Variants in THSD4 observed in about 807,000 individuals in gnomAD.
The protein encoded by THSD4 is thrombospondin type 1 domain containing 4.
THSD4 carries 69 observed loss-of-function variants against 119.0 expected under a neutral mutation model. The observed-to-expected ratio is 0.58, with a 90% CI of 0.48 to 0.71. The LOEUF is 0.71. Among genes scored for constraint, THSD4 ranks in the 30% least tolerant of loss-of-function variants. The probability of loss-of-function intolerance (pLI) is 0.00; values close to 1 mark genes in which losing one functional copy is unlikely to be tolerated. For synonymous variants in THSD4, 524 were observed against 540.4 expected (o/e 0.97, Z 0.42); for missense variants, 1,393 against 1,391.1 (o/e 1.00, Z -0.02).
intron 7 of THSD4, chr15:71,547,412 G>A: frequency 1.3e-6 from 2 of 1,550,392 alleles, no homozygotes; most frequent in East Asian, 2.4e-5. Context: ...GGGTAATAAT[G>A]TTTGTCAGCT....
chr15:71,377,028 C>T (rs1050627157), intron 6 of THSD4, among the ~76,000 whole-genome samples: 4 of 152,018 alleles, frequency 2.6e-5, no homozygotes, highest in African/African-American at 7.3e-5. Flanking sequence ...GAGGTGGCCA[C>T]AGTTATCTGG....
intron 7 of THSD4, among the ~76,000 whole-genome samples, chr15:71,479,581 G>A (rs1323210028): frequency 1.3e-5 from 2 of 152,116 alleles, no homozygotes; most frequent in South Asian, 2.1e-4. Context: ...TTCATTAGTC[G>A]ATGGAATAAA....
chr15:71,318,998 C>T (rs1432343753), intron 6 of THSD4, among the ~76,000 whole-genome samples: 1 of 152,128 alleles, frequency 6.6e-6, no homozygotes, highest in African/African-American at 2.4e-5. Flanking sequence ...GATGATCATG[C>T]CTTAGGTCAT....
intron 2 of THSD4, among the ~76,000 whole-genome samples, chr15:71,151,794 C>T (rs978457570): frequency 6.6e-6 from 1 of 152,190 alleles, no homozygotes; most frequent in Non-Finnish European, 1.5e-5. Context: ...TGAACAGGCT[C>T]ATTTTCAAGT....
chr15:71,435,376 T>A (rs891984311), intron 7 of THSD4, among the ~76,000 whole-genome samples: 5 of 152,342 alleles, frequency 3.3e-5, no homozygotes, highest in African/African-American at 1.2e-4. Flanking sequence ...TTTCTGCCTT[T>A]TAAAAATCTT....
intron 6 of THSD4, among the ~76,000 whole-genome samples, chr15:71,329,769 TAACTC>T (rs1390598358): frequency 6.6e-6 from 1 of 152,132 alleles, no homozygotes; most frequent in Non-Finnish European, 1.5e-5. Context: ...ACATTGAAAA[TAACTC>T]AGGCAGTGTT....
intron 7 of THSD4, among the ~76,000 whole-genome samples, chr15:71,557,630 C>A (rs2049040991): frequency 6.6e-6 from 1 of 152,090 alleles, no homozygotes. Flanking sequence ...AAATTTTAAA[C>A]CACCAGTTAT....
intron 6 of THSD4, among the ~76,000 whole-genome samples, chr15:71,291,278 G>A (rs1372345894): frequency 1.3e-5 from 2 of 152,050 alleles, no homozygotes; most frequent in African/African-American, 4.8e-5. Flanking sequence ...ATCTGTATTA[G>A]TCAGGGTTCT....
intron 8 of THSD4, among the ~76,000 whole-genome samples, chr15:71,715,593 G>A (rs1187168004): frequency 1.4e-5 from 2 of 147,484 alleles, no homozygotes; most frequent in Non-Finnish European, 3.1e-5. Context: ...GCCACTGTGT[G>A]TGTATGTGTT....
intron 3 of THSD4, among the ~76,000 whole-genome samples, chr15:71,210,029 T>C (rs1411447755): frequency 1.3e-5 from 2 of 152,230 alleles, no homozygotes; most frequent in Non-Finnish European, 1.5e-5. Flanking sequence ...GGTATGTCTT[T>C]ATTATCAGCA....
intron 6 of THSD4, among the ~76,000 whole-genome samples, chr15:71,296,656 C>T (rs1402430506): frequency 6.6e-6 from 1 of 152,150 alleles, no homozygotes; most frequent in Non-Finnish European, 1.5e-5. Context: ...GTGTCCCTGG[C>T]TTCATGGACA....
intron 8 of THSD4, among the ~76,000 whole-genome samples, chr15:71,671,736 A>G (rs1050681662): frequency 2.0e-5 from 3 of 152,236 alleles, no homozygotes; most frequent in Non-Finnish European, 4.4e-5. Flanking sequence ...TTTATTAAAT[A>G]GGGAATCCTT....
At chr15:71,773,204 AAAAAAAAAAAAG>A (rs1172238333) in intron 17 of THSD4, among the ~76,000 whole-genome samples, 1 of 133,002 alleles carries the variant, frequency 7.5e-6, no homozygotes, top group Non-Finnish European at 1.6e-5. Context: ...ATGTCTCAAA[AAAAAAAAAAAAG>A]AAAAAGAAAA....
chr15:71,215,466 C>T (rs1001212220), intron 4 of THSD4, 67 bp downstream of exon 4: 2 of 1,406,094 alleles, frequency 1.4e-6, no homozygotes, highest in Non-Finnish European at 1.9e-6. Flanking sequence ...GTCCCTGCCC[C>T]TGCCTCGCAC....
At chr15:71,288,390 G>A (rs2044746779) in intron 6 of THSD4, among the ~76,000 whole-genome samples, 1 of 152,218 alleles carries the variant, frequency 6.6e-6, no homozygotes, top group Admixed American at 6.5e-5. Flanking sequence ...ACATGGGCCA[G>A]TGACTGAAAA....
chr15:71,280,096 G>A (rs958095912), intron 6 of THSD4, among the ~76,000 whole-genome samples: 2 of 152,218 alleles, frequency 1.3e-5, no homozygotes, highest in African/African-American at 4.8e-5. Context: ...AGGAGCAAGT[G>A]GGACTGGGCG....
At chr15:71,745,077 G>C in intron 11 of THSD4, 29 bp from the exon 12 acceptor site, 1 of 1,604,434 alleles carries the variant, frequency 6.2e-7, no homozygotes, top group Non-Finnish European at 8.5e-7. Context: ...GTGTGGGACT[G>C]TCCTTCAGAC....
At chr15:71,154,693 T>C (rs1376014410) in intron 2 of THSD4, among the ~76,000 whole-genome samples, 170 bp from the exon 3 acceptor site, 1 of 152,230 alleles carries the variant, frequency 6.6e-6, no homozygotes, top group Non-Finnish European at 1.5e-5. Context: ...AGCACCATGC[T>C]GCCTCCCTCC....
chr15:71,598,177 G>A (rs1595771028), intron 7 of THSD4, among the ~76,000 whole-genome samples: 1 of 152,278 alleles, frequency 6.6e-6, no homozygotes, highest in East Asian at 1.9e-4. Context: ...TTTAAAGTTA[G>A]ACCTTGAAAG....
Sources: allele counts gnomAD v4.1 joint callset (sites outside exome capture counted in the v4.1 genomes callset), GRCh38; gene constraint gnomAD v4.1.1; transcripts MANE v1.5; gene names NCBI Gene and HGNC (gene_info 2026-07-23, HGNC 2026-07-21).